PTPRF: variants seen among roughly 807,000 people sequenced by gnomAD.
PTPRF encodes the protein receptor-type tyrosine-protein phosphatase F.
PTPRF carries 59 observed loss-of-function variants against 201.8 expected under a neutral mutation model. The observed-to-expected ratio is 0.29, with a 90% CI of 0.24 to 0.36. The LOEUF is 0.36. Ranked by LOEUF, PTPRF falls within the 10% of genes least tolerant of loss-of-function variation. The pLI is 1.00. For missense variants in PTPRF, 2,132 were observed against 2,690.5 expected (o/e 0.79, Z 4.59); for synonymous variants, 1,088 against 1,089.7 (o/e 1.00, Z 0.03).
chr1:43,566,487 G>A (rs1052957954), intron 5 of PTPRF, among the ~76,000 whole-genome samples: 4 of 152,200 alleles, frequency 2.6e-5, no homozygotes, highest in Admixed American at 2.0e-4. Flanking sequence ...CAGGTCCTCA[G>A]CCTGAGTGTT....
intron 22 of PTPRF, among the ~76,000 whole-genome samples, chr1:43,610,899 A>G (rs1656274501): frequency 6.6e-6 from 1 of 152,254 alleles, no homozygotes; most frequent in Non-Finnish European, 1.5e-5. Flanking sequence ...CTACTGGAAC[A>G]GACACACCCA....
At chr1:43,584,472 C>G (rs1368198377) in intron 7 of PTPRF, among the ~76,000 whole-genome samples, 2 of 152,234 alleles carry the variant, frequency 1.3e-5, no homozygotes, top group African/African-American at 4.8e-5. Context: ...AAACAGTCAT[C>G]AGCAGAGACA....
rs1200706595 is a variant in PTPRF at position 43,553,744 on chromosome 1, C to T, written c.238-56C>T. 2 of 1,611,448 alleles carry T rather than the reference C, an allele frequency of 1.2e-6. No individual in the cohort carries two copies. Among genetic ancestry groups the T allele is most frequent in the Non-Finnish European group, 1.7e-6 (2 of 1,178,534 alleles). On this transcript the variant is annotated intron_variant, in intron 4 of 33. Coordinates refer to ENST00000359947, the MANE Select transcript of PTPRF (RefSeq NM_002840.5). This position sits in a 1 kb window ranked among gnomAD's most constrained non-coding sequence, Gnocchi z 4.1. The stretch of plus-strand genomic sequence containing the variant: ...TTTGGAGGTGGGAGGACAACTGACC[C>T]TGAGCAGGCTCCTGTGTCCTGAGTA...
intron 1 of PTPRF, among the ~76,000 whole-genome samples, chr1:43,536,884 AC>A (rs1644050298): frequency 6.6e-6 from 1 of 151,858 alleles, no homozygotes; most frequent in Non-Finnish European, 1.5e-5. Flanking sequence ...CGGTGAGAGT[AC>A]CCCCATATTG....
intron 5 of PTPRF, among the ~76,000 whole-genome samples, chr1:43,568,998 G>A (rs1182697330): frequency 1.3e-5 from 2 of 152,236 alleles, no homozygotes; most frequent in Admixed American, 6.5e-5. Flanking sequence ...TAACGAATAG[G>A]TCAAGGTCAG....
At chr1:43,547,789 C>T (rs905441048) in intron 3 of PTPRF, among the ~76,000 whole-genome samples, 4 of 152,226 alleles carry the variant, frequency 2.6e-5, no homozygotes, top group Admixed American at 6.5e-5. Context: ...GTGCCGCACG[C>T]GCAGCTCCAG....
At chr1:43,550,363 G>T (rs942804032) in intron 3 of PTPRF, among the ~76,000 whole-genome samples, 2 of 140,768 alleles carry the variant, frequency 1.4e-5, no homozygotes, top group African/African-American at 5.1e-5. Flanking sequence ...GCCCCACCCC[G>T]CCCCCAGGCG....
chr1:43,534,736 A>AC lies in PTPRF; in HGVS notation c.-125-3462_-125-3461insC, dbSNP rs1643898219. ...AGAGAAATGTCGGTCGGACCAAGAG[A>AC]AGCGAGAGCTGTATGAGAGACCATA... On this transcript the variant is annotated intron_variant, in intron 1 of 33. Coordinates refer to ENST00000359947, the MANE Select transcript of PTPRF (RefSeq NM_002840.5). 2.6e-5 allele frequency among the ~76,000 whole-genome samples: 4 copies of AC among 152,106 alleles called. No individual in the cohort carries two copies. The South Asian group carries it at 8.3e-4, about 32-fold the overall frequency.
At chr1:43,574,973 T>G (rs998018223) in intron 6 of PTPRF, among the ~76,000 whole-genome samples, 4 of 152,250 alleles carry the variant, frequency 2.6e-5, no homozygotes, top group African/African-American at 9.6e-5. Flanking sequence ...TCAAGTTCCA[T>G]GAAACGGATT....
Position 43,621,012 on chromosome 1 carries a change from G to A in PTPRF, c.5519+20G>A. 6.2e-7 allele frequency: 1 copy of A among 1,610,810 alleles called. No individual in the cohort carries two copies. The highest frequency in any genetic ancestry group is 2.2e-5 in the East Asian group (1 of 44,848). On this transcript the variant is annotated intron_variant, in intron 32 of 33. Transcript: ENST00000359947. ...CTGCAGGTGGGACTGGCCCCCTGGA[G>A]GGCTGGGGTGGGTGGGCCTGAAGGC...
intron 11 of PTPRF, among the ~76,000 whole-genome samples, chr1:43,594,677 G>C (rs887480552): frequency 4.5e-4 from 69 of 152,244 alleles, no homozygotes; most frequent in Admixed American, 3.5e-3. Flanking sequence ...GGGGCCCAGG[G>C]GGAGGGAAGT....
At chr1:43,562,163 C>T (rs534179840) in intron 5 of PTPRF, among the ~76,000 whole-genome samples, 9 of 151,906 alleles carry the variant, frequency 5.9e-5, no homozygotes, top group African/African-American at 2.2e-4. Flanking sequence ...GACTGGAGTG[C>T]GGTGGCACAA....
chr1:43,613,159 T>TGATACGGA, intron 22 of PTPRF: 3 of 242,222 alleles, frequency 1.2e-5, no homozygotes, highest in South Asian at 4.8e-5. Flanking sequence ...CTGTACTTCA[T>TGATACGGA]GACCACTCCA....
chr1:43,620,280 T>G, intron 30 of PTPRF, 59 bp downstream of exon 30: 1 of 1,600,100 alleles, frequency 6.2e-7, no homozygotes, highest in Middle Eastern at 1.7e-4. Context: ...CAGCCACCCT[T>G]GGGGGAGCTG....
At chr1:43,583,155 T>A (rs1286143438) in intron 7 of PTPRF, 1 of 956,628 alleles carries the variant, frequency 1.0e-6, no homozygotes, top group African/African-American at 1.8e-5. Flanking sequence ...CGCCTGTCAG[T>A]AGGGCCCAGC....
At position 43,623,158 on chromosome 1, in the gene PTPRF, TC is replaced by T. The variant is rs946903908; in HGVS notation, c.*1157del. 6.5e-6 allele frequency: 1 copy of T among 152,692 alleles called. No individual in the cohort carries two copies. The highest frequency in any genetic ancestry group is 2.4e-5 in the African/African-American group (1 of 41,468). 9.5% of individuals were successfully genotyped at this position (152,692 alleles called of 1,614,324 possible). A position where few individuals can be genotyped will look rare whatever the true frequency, so the allele number is the denominator to read the frequency against. ...GCGGGGGCGTGGCTGGCCTTTCAGG[TC>T]CAGGCCAGTGGGCCTGGTAGCACAT... On this transcript the variant is annotated 3_prime_UTR_variant, in exon 34 of 34. Coordinates refer to ENST00000359947, the MANE Select transcript of PTPRF (RefSeq NM_002840.5).
In PTPRF at chr1:43,597,729, C is replaced by T. The variant is rs1461453384; in HGVS notation, c.1814-19C>T. ...CCCACCCTCCATCTGCTTGCTTCCC[C>T]CCCATTTGTCTTCCCCAGCCCCCTC... On this transcript the variant is annotated intron_variant, in intron 11 of 33. Transcript: ENST00000359947. 4.2e-6 allele frequency: 6 copies of T among 1,416,686 alleles called. No homozygotes were observed. The highest frequency in any genetic ancestry group is 2.0e-5 in the Admixed American group (1 of 50,662). 87.8% of individuals were successfully genotyped at this position (1,416,686 alleles called of 1,614,324 possible).
At position 43,553,041 on chromosome 1, in the gene PTPRF, C is replaced by T. The variant is rs1412613849; in HGVS notation, c.92-451C>T. Among the ~76,000 whole-genome samples the T allele has an allele frequency of 1.3e-5, 2 of 152,096 alleles. No individual in the cohort carries two copies. Among genetic ancestry groups the T allele is most frequent in the Admixed American group, 1.3e-4 (2 of 15,272 alleles). ...GCCCCGGGGTGGATGGTGGTGCCAT[C>T]ACTGAGATGGAGAGCAGGGGGAGGG... On this transcript the variant is annotated intron_variant, in intron 3 of 33. Coordinates refer to ENST00000359947, the MANE Select transcript of PTPRF (RefSeq NM_002840.5). The surrounding 1 kb of genome is among the most constrained non-coding windows in gnomAD (Gnocchi z 4.1).
rs1313551565 is a variant in PTPRF at position 43,618,670 on chromosome 1, C to G, written c.4412C>G (p.Thr1471Ser). 3 of 1,612,708 alleles carry G rather than the reference C, an allele frequency of 1.9e-6. No individual in the cohort carries two copies. The highest frequency in any genetic ancestry group is 2.5e-6 in the Non-Finnish European group (3 of 1,178,922). ...TACTGGCCAGCCCGTGGCACCGAGA[C>G]CTGTGGCCTTATTCAGGTGACCCTG... ...DQYWPARGTE[T>S]CGLIQVTLLD... Residue 1471 changes from threonine (T) to serine (S), a missense_variant, in exon 26 of 34, where the codon ACC becomes AGC. Thr to Ser is a moderately conservative substitution (Grantham distance 58). Transcript: ENST00000359947.
Sources: gnomAD v4.1 joint callset for allele counts (sites outside exome capture counted in the v4.1 genomes callset) on GRCh38, gnomAD v4.1.1 for gene constraint, Gnocchi (gnomAD v3.1) non-coding constraint, MANE v1.5 for transcripts, NCBI Gene and HGNC (gene_info 2026-07-23, HGNC 2026-07-21) for gene names.